TLCD4: variants seen among roughly 807,000 people sequenced by gnomAD.
TLCD4 encodes the protein TLC domain containing 4.
Under a neutral mutation model 24.2 loss-of-function variants are expected in TLCD4, and 7 were observed. The ratio of observed to expected loss-of-function variants is 0.29; its 90% CI spans 0.16 to 0.54. TLCD4 has a LOEUF of 0.54. Ranked by LOEUF, TLCD4 falls within the 20% of genes least tolerant of loss-of-function variation. The pLI, the probability that TLCD4 is intolerant of heterozygous loss-of-function variation, is 0.95. For missense variants in TLCD4, 259 were observed against 313.9 expected, an observed-to-expected ratio of 0.82 and a Z score of 1.32; for synonymous variants, 103 against 106.4, an observed-to-expected ratio of 0.97 and a Z score of 0.20.
At chr1:95,109,484 G>C in the TLCD4 span, among the ~76,000 whole-genome samples, 1 of 136,690 alleles carries the variant, frequency 7.3e-6, no homozygotes, top group South Asian at 2.5e-4. Flanking sequence ...TCTCATGTAA[G>C]TTTTGCATTT....
the TLCD4 span, among the ~76,000 whole-genome samples, chr1:95,096,402 T>C: frequency 6.6e-6 from 1 of 152,200 alleles, no homozygotes; most frequent in Admixed American, 6.5e-5. Flanking sequence ...GTATGATTCT[T>C]TAAGAAGTTA....
At chr1:95,190,416 T>G (rs1296221480) in intron 6 of TLCD4, among the ~76,000 whole-genome samples, 1 of 151,502 alleles carries the variant, frequency 6.6e-6, no homozygotes, top group East Asian at 1.9e-4. Flanking sequence ...TTGCAACCTC[T>G]GCCTCCTGGG....
intron 1 of TLCD4, chr1:95,118,189 A>G (rs1676481948): frequency 6.6e-6 from 1 of 152,262 alleles, no homozygotes; most frequent in Non-Finnish European, 1.5e-5. Context: ...CTGAGTGCTG[A>G]AAAGTCTAGT....
chr1:95,180,272 A>G (rs921195853), intron 6 of TLCD4, among the ~76,000 whole-genome samples: 1 of 152,244 alleles, frequency 6.6e-6, no homozygotes, highest in Non-Finnish European at 1.5e-5. Context: ...ACTCTTTTAG[A>G]GAAATTATAA....
At chr1:95,096,492 CT>C in the TLCD4 span, among the ~76,000 whole-genome samples, 1 of 152,244 alleles carries the variant, frequency 6.6e-6, no homozygotes, top group African/African-American at 2.4e-5. Context: ...ACAGTAAGAA[CT>C]TTGGAAAGGC....
chr1:95,176,884 T>C (rs1052497699), intron 6 of TLCD4, among the ~76,000 whole-genome samples: 1 of 152,246 alleles, frequency 6.6e-6, no homozygotes, highest in African/African-American at 2.4e-5. Flanking sequence ...AGCACATTTG[T>C]TCAAGAGACT....
At chr1:95,170,974 A>G (rs968615092) in intron 5 of TLCD4, among the ~76,000 whole-genome samples, 11 of 152,126 alleles carry the variant, frequency 7.2e-5, no homozygotes, top group Non-Finnish European at 1.0e-4. Context: ...GCAAATGGCA[A>G]TTTGTTCCTT....
At chr1:95,131,139 C>T (rs1326332426) in intron 1 of TLCD4, among the ~76,000 whole-genome samples, 2 of 152,074 alleles carry the variant, frequency 1.3e-5, no homozygotes, top group African/African-American at 2.4e-5. Context: ...GGAAAAATGC[C>T]GTATTTCCCA....
At chr1:95,187,949 A>G (rs762040481) in intron 6 of TLCD4, among the ~76,000 whole-genome samples, 1 of 152,062 alleles carries the variant, frequency 6.6e-6, no homozygotes, top group Non-Finnish European at 1.5e-5. Context: ...GCATGGAGGA[A>G]GAGGGAGAAC....
the TLCD4 span, among the ~76,000 whole-genome samples, chr1:95,101,420 TG>T: frequency 7.9e-6 from 1 of 126,792 alleles, no homozygotes; most frequent in Non-Finnish European, 1.6e-5. Flanking sequence ...AGTGTGTGTG[TG>T]TGTGTGTGTG....
intron 6 of TLCD4, among the ~76,000 whole-genome samples, chr1:95,187,523 G>T (rs1678869047): frequency 6.6e-6 from 1 of 152,064 alleles, no homozygotes; most frequent in Non-Finnish European, 1.5e-5. Flanking sequence ...TTACACTGGG[G>T]ATATGGGGTT....
chr1:95,142,174 G>C (rs1231580423), intron 1 of TLCD4, among the ~76,000 whole-genome samples: 4 of 140,196 alleles, frequency 2.9e-5, no homozygotes, highest in Non-Finnish European at 6.1e-5. Context: ...AGATTTTTAG[G>C]AGCCAAATAA....
At chr1:95,186,919 C>G (rs1402022989) in intron 6 of TLCD4, among the ~76,000 whole-genome samples, 1 of 152,050 alleles carries the variant, frequency 6.6e-6, no homozygotes, top group Non-Finnish European at 1.5e-5. Context: ...AGCTTTTTAA[C>G]TATTAATTTT....
intron 1 of TLCD4, among the ~76,000 whole-genome samples, chr1:95,119,216 C>G (rs953530254): frequency 7.2e-5 from 11 of 152,292 alleles, no homozygotes; most frequent in African/African-American, 2.4e-4. Flanking sequence ...GGTGCTGAGA[C>G]TAATGCAAAC....
In TLCD4 at chr1:95,178,555, G is replaced by T. The variant is rs562590829; in HGVS notation, c.473+4666G>T. ...TGGGATTACAGGCGTGAGCCACCAT[G>T]CCCAGCCCTTTTTTTTTTTTTTTTT... is the stretch of plus-strand genomic sequence containing the variant. On this transcript the variant is annotated intron_variant, in intron 6 of 6. Transcript: ENST00000370203. 1.0e-3 allele frequency among the ~76,000 whole-genome samples: 141 copies of T among 136,072 alleles called. 1 individual carries two copies. In the East Asian group the frequency reaches 0.027, roughly 26 times the overall value. The allele number at this position is 136,072 out of a possible 152,430, so 89.3% of individuals were successfully genotyped here.
chr1:95,103,898 C>T, the TLCD4 span, among the ~76,000 whole-genome samples: 28 of 152,308 alleles, frequency 1.8e-4, no homozygotes, highest in African/African-American at 3.6e-4. Flanking sequence ...AAGTTCATTT[C>T]ACCTCTATGT....
chr1:95,150,318 T>G (rs751733013), intron 4 of TLCD4, 52 bp downstream of exon 4: 1 of 1,595,260 alleles, frequency 6.3e-7, no homozygotes, highest in South Asian at 1.1e-5. Context: ...ACTCACGGAA[T>G]TATACAAAGA....
the TLCD4 span, among the ~76,000 whole-genome samples, chr1:95,108,210 T>G: frequency 2.0e-5 from 3 of 152,190 alleles, no homozygotes; most frequent in Non-Finnish European, 2.9e-5. Context: ...GTCTCATCCT[T>G]GCTTATGCTA....
chr1:95,153,993 A>G (rs3900596), intron 5 of TLCD4, among the ~76,000 whole-genome samples: 1 of 152,016 alleles, frequency 6.6e-6, no homozygotes, highest in Non-Finnish European at 1.5e-5. Flanking sequence ...GAAGATTATC[A>G]CAATGGAAAG....
Sources: gnomAD v4.1 joint callset for allele counts (sites outside exome capture counted in the v4.1 genomes callset) on GRCh38, gnomAD v4.1.1 for gene constraint, MANE v1.5 for transcripts, NCBI Gene and HGNC (gene_info 2026-07-23, HGNC 2026-07-21) for gene names.